Variants in ADGRL2 observed in about 807,000 individuals in gnomAD.
ADGRL2 encodes the protein calcium-independent alpha-latrotoxin receptor 2.
In ADGRL2, 44 loss-of-function variants were observed where a neutral mutation model predicts 157.4. That is an observed-to-expected ratio of 0.28 (90% CI 0.22 to 0.36). The LOEUF is 0.36. Among genes scored for constraint, ADGRL2 ranks in the 10% least tolerant of loss-of-function variants. The probability of loss-of-function intolerance (pLI) is 1.00; values close to 1 mark genes in which losing one functional copy is unlikely to be tolerated. For missense variants in ADGRL2, 1,510 were observed against 1,768.9 expected, an observed-to-expected ratio of 0.85 and a Z score of 2.63; for synonymous variants, 585 against 624.7, an observed-to-expected ratio of 0.94 and a Z score of 0.95.
intron 3 of ADGRL2, among the ~76,000 whole-genome samples, chr1:81,614,296 G>A (rs532215736): frequency 1.3e-5 from 2 of 152,212 alleles, no homozygotes; most frequent in East Asian, 1.9e-4. Context: ...GATGTTACTC[G>A]ATGAGACACA....
chr1:81,721,034 C>CTTTTT (rs533654243), intron 1 of ADGRL2, among the ~76,000 whole-genome samples: 3 of 133,244 alleles, frequency 2.3e-5, no homozygotes, highest in Admixed American at 7.7e-5. Flanking sequence ...AAACAATTTC[C>CTTTTT]TTTTTTTTTT....
At chr1:81,358,065 A>T (rs906441214) in intron 1 of ADGRL2, among the ~76,000 whole-genome samples, 1 of 150,712 alleles carries the variant, frequency 6.6e-6, no homozygotes, top group African/African-American at 2.4e-5. Flanking sequence ...AAAGACACTT[A>T]TTAATATTAG....
At chr1:81,814,939 T>C (rs1250978936) in intron 1 of ADGRL2, among the ~76,000 whole-genome samples, 1 of 151,718 alleles carries the variant, frequency 6.6e-6, no homozygotes, top group Non-Finnish European at 1.5e-5. Context: ...ACAGTAGCAT[T>C]ACCTTTATTT....
At chr1:81,538,262 C>T (rs1267609594) in intron 2 of ADGRL2, among the ~76,000 whole-genome samples, 4 of 152,082 alleles carry the variant, frequency 2.6e-5, no homozygotes, top group Non-Finnish European at 5.9e-5. Context: ...TTAGTTCCCA[C>T]TCACGTAATA....
intron 1 of ADGRL2, among the ~76,000 whole-genome samples, chr1:81,720,184 C>CTTTTT (rs112579932): frequency 4.1e-5 from 5 of 122,054 alleles, no homozygotes; most frequent in South Asian, 2.6e-4. Context: ...TTTTTCTTTT[C>CTTTTT]TTTTTTTTTT....
At chr1:81,813,348 G>T (rs901265341) in intron 1 of ADGRL2, among the ~76,000 whole-genome samples, 1 of 151,512 alleles carries the variant, frequency 6.6e-6, no homozygotes. Flanking sequence ...AAAAAGCTTC[G>T]TTTCTTAATG....
At chr1:81,351,497 C>A (rs1038090506) in intron 1 of ADGRL2, among the ~76,000 whole-genome samples, 1 of 151,668 alleles carries the variant, frequency 6.6e-6, no homozygotes, top group African/African-American at 2.4e-5. Context: ...TTAAAGTCAA[C>A]AAGAAATAGA....
At chr1:81,781,322 G>A (rs372032534) in intron 2 of ADGRL2, among the ~76,000 whole-genome samples, 3 of 152,208 alleles carry the variant, frequency 2.0e-5, no homozygotes, top group East Asian at 1.9e-4. Flanking sequence ...AGGACCTGCC[G>A]TAGTGACAAG....
intron 1 of ADGRL2, among the ~76,000 whole-genome samples, chr1:81,406,755 G>A (rs2076860599): frequency 6.6e-6 from 1 of 152,102 alleles, no homozygotes; most frequent in African/African-American, 2.4e-5. Context: ...ACAGACTTTG[G>A]GGAAAGCACA....
intron 2 of ADGRL2, among the ~76,000 whole-genome samples, chr1:81,905,006 G>A (rs1572034212): frequency 6.6e-6 from 1 of 152,016 alleles, no homozygotes; most frequent in Admixed American, 6.5e-5. Context: ...ACGATAGCAA[G>A]TACCATGATC....
chr1:81,490,506 A>T (rs577542429), intron 2 of ADGRL2, among the ~76,000 whole-genome samples: 5 of 152,346 alleles, frequency 3.3e-5, no homozygotes, highest in African/African-American at 1.2e-4. Context: ...CTAAATAGGC[A>T]AGTTATTAAA....
intron 1 of ADGRL2, among the ~76,000 whole-genome samples, chr1:81,390,394 G>A (rs1417211820): frequency 1.3e-5 from 2 of 152,300 alleles, no homozygotes; most frequent in African/African-American, 2.4e-5. Flanking sequence ...AAAAAGGCAC[G>A]AACCAAATAT....
intron 2 of ADGRL2, among the ~76,000 whole-genome samples, chr1:81,533,418 T>G (rs2079654040): frequency 6.6e-6 from 1 of 152,108 alleles, no homozygotes; most frequent in African/African-American, 2.4e-5. Flanking sequence ...AACATAGTTT[T>G]TACTGAGGGG....
intron 2 of ADGRL2, among the ~76,000 whole-genome samples, chr1:81,869,548 CAT>C (rs2093636898): frequency 6.6e-6 from 1 of 151,956 alleles, no homozygotes; most frequent in Admixed American, 6.6e-5. Context: ...TAAGTAGACA[CAT>C]AAAAACATCA....
At chr1:81,383,662 TAAAA>T (rs530939816) in intron 1 of ADGRL2, among the ~76,000 whole-genome samples, 1 of 141,976 alleles carries the variant, frequency 7.0e-6, no homozygotes, top group Non-Finnish European at 1.5e-5. Context: ...ACTACTAGTT[TAAAA>T]AAAAAAAAAA....
intron 2 of ADGRL2, among the ~76,000 whole-genome samples, chr1:81,509,660 G>T (rs1400218510): frequency 3.9e-5 from 6 of 152,184 alleles, no homozygotes; most frequent in Non-Finnish European, 5.9e-5. Flanking sequence ...CAGAGCCTGA[G>T]GAGCTAGCTC....
At chr1:81,811,949 A>G (rs2089916509) in intron 1 of ADGRL2, among the ~76,000 whole-genome samples, 1 of 151,460 alleles carries the variant, frequency 6.6e-6, no homozygotes, top group Non-Finnish European at 1.5e-5. Context: ...TCCTTGAAAT[A>G]CACTGTCTGA....
At chr1:81,724,082 A>G (rs570786272) in intron 1 of ADGRL2, among the ~76,000 whole-genome samples, 2 of 152,192 alleles carry the variant, frequency 1.3e-5, no homozygotes, top group Admixed American at 6.5e-5. Context: ...CACTGTTATT[A>G]TCATTAATGG....
chr1:81,733,174 G>A lies in ADGRL2; in HGVS notation c.-142-28637G>A, dbSNP rs183072722. On this transcript the variant is annotated intron_variant, in intron 1 of 20. Transcript: ENST00000359929. ...GACATTGTAAGGTCACTGCAACCAA[G>A]GGTTCATTACCACATTGTGAAGAGT... Among the ~76,000 whole-genome samples the A allele has an allele frequency of 2.0e-5, 3 of 152,336 alleles. No homozygotes were observed. In the East Asian group the frequency reaches 5.8e-4, roughly 29 times the overall value.
Sources: allele counts gnomAD v4.1 joint callset (sites outside exome capture counted in the v4.1 genomes callset), GRCh38; gene constraint gnomAD v4.1.1; transcripts MANE v1.5; gene names NCBI Gene and HGNC (gene_info 2026-07-23, HGNC 2026-07-21).